Variants in NRG3 observed in about 807,000 individuals in gnomAD.
NRG3 encodes the protein neuregulin 3.
Under a neutral mutation model 66.9 loss-of-function variants are expected in NRG3, and 31 were observed. The ratio of observed to expected loss-of-function variants is 0.46; its 90% CI spans 0.35 to 0.63. The LOEUF is 0.63. Among genes scored for constraint, NRG3 ranks in the 20% least tolerant of loss-of-function variants. The pLI, the probability that NRG3 is intolerant of heterozygous loss-of-function variation, is 0.00. For missense variants in NRG3, 910 were observed against 878.9 expected, an observed-to-expected ratio of 1.04 and a Z score of -0.45; for synonymous variants, 393 against 359.4, an observed-to-expected ratio of 1.09 and a Z score of -1.06.
chr10:82,214,638 A>AT (rs2075572270), intron 1 of NRG3, among the ~76,000 whole-genome samples: 2 of 151,896 alleles, frequency 1.3e-5, no homozygotes, highest in African/African-American at 2.4e-5. Context: ...AATTAAAAAA[A>AT]ATTTTTTTTG....
chr10:82,599,096 G>A (rs1053574650), intron 2 of NRG3, among the ~76,000 whole-genome samples: 1 of 152,008 alleles, frequency 6.6e-6, no homozygotes. Flanking sequence ...GAAGAAAACT[G>A]AAGGTCAGTA....
At position 82,337,777 on chromosome 10, in the gene NRG3, T is replaced by C. The variant is rs541345067; in HGVS notation, c.824-20962T>C. On this transcript the variant is annotated intron_variant, in intron 1 of 8. Transcript: ENST00000372141. ...TATGTATATATTCTTTGGAAAAATA[T>C]CTATTCAAATAGAAAGGAAAATTTT... Among the ~76,000 whole-genome samples the C allele has an allele frequency of 3.9e-5, 6 of 152,294 alleles. No homozygotes were observed. In the East Asian group the frequency reaches 1.2e-3, roughly 29 times the overall value.
chr10:82,122,315 G>GT (rs1422080699), intron 1 of NRG3, among the ~76,000 whole-genome samples: 2 of 152,124 alleles, frequency 1.3e-5, no homozygotes, highest in African/African-American at 4.8e-5. Flanking sequence ...AGCCAAGTTA[G>GT]TTTTTTCCCC....
At chr10:82,065,133 A>G (rs1201921613) in intron 1 of NRG3, among the ~76,000 whole-genome samples, 1 of 152,152 alleles carries the variant, frequency 6.6e-6, no homozygotes, top group Non-Finnish European at 1.5e-5. Context: ...TTTAAAACTC[A>G]CTGACTTTCT....
intron 1 of NRG3, among the ~76,000 whole-genome samples, chr10:82,255,811 C>T (rs1260220753): frequency 6.6e-6 from 1 of 151,984 alleles, no homozygotes; most frequent in African/African-American, 2.4e-5. Context: ...ACCATGTCAT[C>T]CAGGGTGGTC....
chr10:82,313,312 C>T (rs1019331069), intron 1 of NRG3, among the ~76,000 whole-genome samples: 2 of 151,346 alleles, frequency 1.3e-5, no homozygotes, highest in Admixed American at 6.6e-5. Flanking sequence ...ACTCCAGCCT[C>T]GGTGACAGAG....
chr10:82,199,172 G>GAA (rs754643270), intron 1 of NRG3, among the ~76,000 whole-genome samples: 13,739 of 106,452 alleles, frequency 0.13, 1,096 homozygotes, highest in East Asian at 0.41. Flanking sequence ...ACTCTGTCCG[G>GAA]AAAAAAAAAA....
At chr10:82,901,809 G>T (rs537608650) in intron 4 of NRG3, among the ~76,000 whole-genome samples, 2 of 152,240 alleles carry the variant, frequency 1.3e-5, no homozygotes, top group Admixed American at 6.5e-5. Context: ...TGTTATTCAG[G>T]TACCTAACAT....
chr10:82,403,650 T>C (rs2136077572), intron 2 of NRG3, among the ~76,000 whole-genome samples: 1 of 152,308 alleles, frequency 6.6e-6, no homozygotes, highest in African/African-American at 2.4e-5. Flanking sequence ...TAAGTTTTCA[T>C]ATGGTTCTTC....
At chr10:82,339,494 A>G (rs2135373813) in intron 1 of NRG3, among the ~76,000 whole-genome samples, 1 of 152,238 alleles carries the variant, frequency 6.6e-6, no homozygotes, top group African/African-American at 2.4e-5. Context: ...CACTATCACG[A>G]GAACAGCATG....
At chr10:82,090,570 A>G (rs1021759276) in intron 1 of NRG3, among the ~76,000 whole-genome samples, 6 of 152,232 alleles carry the variant, frequency 3.9e-5, no homozygotes, top group Admixed American at 6.5e-5. Flanking sequence ...CGTTGGGATT[A>G]GAATCCATTG....
chr10:82,635,679 A>T (rs1468042215), intron 2 of NRG3, among the ~76,000 whole-genome samples: 1 of 152,190 alleles, frequency 6.6e-6, no homozygotes, highest in African/African-American at 2.4e-5. Context: ...CTAGACATCC[A>T]TAGTATTACT....
chr10:82,846,194 T>C (rs2063301519), intron 3 of NRG3, among the ~76,000 whole-genome samples: 1 of 152,108 alleles, frequency 6.6e-6, no homozygotes, highest in Non-Finnish European at 1.5e-5. Context: ...ATGAATACTC[T>C]GTATCAAGCA....
At chr10:82,763,028 C>T (rs958669166) in intron 3 of NRG3, among the ~76,000 whole-genome samples, 2 of 152,164 alleles carry the variant, frequency 1.3e-5, no homozygotes, top group African/African-American at 4.8e-5. Flanking sequence ...TTTTCAGTGA[C>T]AACATTTATA....
intron 1 of NRG3, among the ~76,000 whole-genome samples, chr10:82,149,210 G>C (rs1010255348): frequency 6.6e-6 from 1 of 151,974 alleles, no homozygotes; most frequent in Non-Finnish European, 1.5e-5. Context: ...CCTGAAAGTG[G>C]CAGACTATCA....
chr10:82,914,936 A>C (rs1845692973), intron 4 of NRG3, among the ~76,000 whole-genome samples: 2 of 152,136 alleles, frequency 1.3e-5, no homozygotes, highest in Non-Finnish European at 2.9e-5. Flanking sequence ...GAACATTCTG[A>C]GTATATTTTA....
chr10:82,060,661 A>G (rs2064093866), intron 1 of NRG3, among the ~76,000 whole-genome samples: 2 of 152,212 alleles, frequency 1.3e-5, no homozygotes, highest in African/African-American at 2.4e-5. Flanking sequence ...TTCTAATGCA[A>G]ATATTGTCCA....
chr10:82,483,673 C>T (rs921961682), intron 2 of NRG3, among the ~76,000 whole-genome samples: 1 of 152,180 alleles, frequency 6.6e-6, no homozygotes, highest in East Asian at 1.9e-4. Flanking sequence ...CTCTCTGTCA[C>T]TAACGGAGAT....
intron 1 of NRG3, among the ~76,000 whole-genome samples, chr10:82,348,531 T>A (rs2083190244): frequency 6.7e-6 from 1 of 149,352 alleles, no homozygotes; most frequent in South Asian, 2.1e-4. Context: ...TTGGTGAATC[T>A]GACAATTATG....
Sources: gnomAD v4.1 joint callset for allele counts (sites outside exome capture counted in the v4.1 genomes callset) on GRCh38, gnomAD v4.1.1 for gene constraint, MANE v1.5 for transcripts, NCBI Gene and HGNC (gene_info 2026-07-23, HGNC 2026-07-21) for gene names.